The following NXPE2 variants were observed in gnomAD, a reference collection of about 807,000 sequenced individuals.
NXPE2 encodes the protein neurexophilin and PC-esterase domain family member 2.
A neutral mutation model predicts 34.4 loss-of-function variants in NXPE2; 34 were observed. The ratio of observed to expected loss-of-function variants is 0.99; its 90% CI spans 0.75 to 1.31. NXPE2 has a LOEUF of 1.31. NXPE2 is among the 40% of genes most tolerant of loss of function. The probability of loss-of-function intolerance (pLI) is 0.00; values close to 1 mark genes in which losing one functional copy is unlikely to be tolerated. For missense variants in NXPE2, 649 were observed against 672.5 expected (o/e 0.97, Z 0.39); for synonymous variants, 235 against 231.3 (o/e 1.02, Z -0.15).
chr11:114,613,361 C>T, the NXPE2 span, among the ~76,000 whole-genome samples: 5 of 151,764 alleles, frequency 3.3e-5, no homozygotes, highest in Non-Finnish European at 7.4e-5. Flanking sequence ...CGTGGATAAC[C>T]ACGGTTACCC....
At chr11:114,801,585 T>C in the NXPE2 span, among the ~76,000 whole-genome samples, 6 of 151,898 alleles carry the variant, frequency 4.0e-5, no homozygotes. Context: ...CTGCGTGGAG[T>C]TGGAGAATAT....
intron 2 of NXPE2, among the ~76,000 whole-genome samples, chr11:114,687,044 T>C (rs755571844): frequency 6.6e-5 from 10 of 152,204 alleles, no homozygotes; most frequent in Middle Eastern, 3.2e-3. Context: ...TTGTAAATAT[T>C]TTCTACCATT....
the NXPE2 span, among the ~76,000 whole-genome samples, chr11:114,506,899 A>G: frequency 6.6e-6 from 1 of 152,172 alleles, no homozygotes; most frequent in African/African-American, 2.4e-5. Context: ...GAACTGAAGG[A>G]GATTGAGACA....
chr11:114,602,928 A>G, the NXPE2 span, among the ~76,000 whole-genome samples: 1 of 149,420 alleles, frequency 6.7e-6, no homozygotes, highest in African/African-American at 2.4e-5. Context: ...ATAATCTAAT[A>G]TATAATTACA....
chr11:114,611,635 G>A, the NXPE2 span, among the ~76,000 whole-genome samples: 27,154 of 149,986 alleles, frequency 0.18, 2,817 homozygotes, highest in Non-Finnish European at 0.22. Context: ...GTGTTACCTC[G>A]TGTGTAGCCA....
chr11:114,543,061 C>T, the NXPE2 span, among the ~76,000 whole-genome samples: 4 of 152,032 alleles, frequency 2.6e-5, no homozygotes, highest in South Asian at 2.1e-4. Flanking sequence ...TTGAGACCAG[C>T]CTGGGCAAAT....
chr11:114,528,853 C>T, the NXPE2 span: 1 of 663,000 alleles, frequency 1.5e-6, no homozygotes, highest in Admixed American at 2.0e-5. Context: ...AAAGGATCAG[C>T]ATGTTTTCAT....
At chr11:114,712,962 A>T in the NXPE2 span, among the ~76,000 whole-genome samples, 1 of 152,208 alleles carries the variant, frequency 6.6e-6, no homozygotes, top group Non-Finnish European at 1.5e-5. Context: ...AAGGAAGGAA[A>T]TCATGTCACA....
the NXPE2 span, among the ~76,000 whole-genome samples, chr11:114,608,472 C>A: frequency 6.6e-6 from 1 of 151,808 alleles, no homozygotes; most frequent in Middle Eastern, 3.2e-3. Flanking sequence ...TAAGTATTGC[C>A]TTGTGGGTAA....
chr11:114,588,786 G>A, the NXPE2 span, among the ~76,000 whole-genome samples: 4 of 152,124 alleles, frequency 2.6e-5, no homozygotes, highest in Admixed American at 2.0e-4. Flanking sequence ...TTATGGAAAG[G>A]CTGAAAGAAG....
the NXPE2 span, among the ~76,000 whole-genome samples, chr11:114,546,998 A>C: frequency 3.9e-5 from 6 of 152,224 alleles, 1 homozygote; most frequent in South Asian, 1.2e-3. Flanking sequence ...AAGGGATAAT[A>C]GACAAATCTC....
At chr11:114,799,290 G>GAAA in the NXPE2 span, among the ~76,000 whole-genome samples, 2 of 18,398 alleles carry the variant, frequency 1.1e-4, no homozygotes, top group East Asian at 1.5e-3. Context: ...AGGCAATGAA[G>GAAA]CAAAAAAAAA....
chr11:114,783,603 C>CTGTT, the NXPE2 span, among the ~76,000 whole-genome samples: 5 of 152,146 alleles, frequency 3.3e-5, no homozygotes, highest in African/African-American at 1.2e-4. Flanking sequence ...GCAAGAAAGA[C>CTGTT]TGTTTAGATT....
chr11:114,537,562 T>A, the NXPE2 span, among the ~76,000 whole-genome samples: 1 of 152,158 alleles, frequency 6.6e-6, no homozygotes, highest in Non-Finnish European at 1.5e-5. Flanking sequence ...CTCCTCAAGC[T>A]GATAAGCAAC....
At chr11:114,722,718 C>T in the NXPE2 span, among the ~76,000 whole-genome samples, 2 of 152,130 alleles carry the variant, frequency 1.3e-5, no homozygotes, top group South Asian at 2.1e-4. Flanking sequence ...GCACTGCTAT[C>T]CTGTACACTG....
chr11:114,610,022 C>T, the NXPE2 span, among the ~76,000 whole-genome samples: 3,758 of 151,658 alleles, frequency 0.025, 134 homozygotes, highest in African/African-American at 0.086. Flanking sequence ...ATACATGTTG[C>T]CTCGTGGGTA....
the NXPE2 span, among the ~76,000 whole-genome samples, chr11:114,807,183 T>C: frequency 1.3e-5 from 2 of 149,646 alleles, no homozygotes; most frequent in Admixed American, 6.7e-5. Flanking sequence ...AAAGAGCTCC[T>C]GAAGGAAGCA....
At chr11:114,806,373 A>G in the NXPE2 span, among the ~76,000 whole-genome samples, 146,708 of 152,220 alleles carry the variant, frequency 0.96, 70,945 homozygotes, top group Middle Eastern at 1. Flanking sequence ...GAGAGAAGGC[A>G]GCTTCAGATG....
the NXPE2 span, among the ~76,000 whole-genome samples, chr11:114,718,224 A>G: frequency 6.6e-6 from 1 of 152,200 alleles, no homozygotes; most frequent in Non-Finnish European, 1.5e-5. Flanking sequence ...TCTTTGGACA[A>G]GTTATTTAAC....
Sources: gnomAD v4.1 joint callset for allele counts (sites outside exome capture counted in the v4.1 genomes callset) on GRCh38, gnomAD v4.1.1 for gene constraint, MANE v1.5 for transcripts, NCBI Gene and HGNC (gene_info 2026-07-23, HGNC 2026-07-21) for gene names.